GPC6: variants seen among roughly 807,000 people sequenced by gnomAD.
The protein encoded by GPC6 is glypican 6.
In GPC6, 14 loss-of-function variants were observed where a neutral mutation model predicts 55.2. That is an observed-to-expected ratio of 0.25 (90% confidence interval 0.17 to 0.40). GPC6 has a LOEUF of 0.40. Among genes scored for constraint, GPC6 ranks in the 10% least tolerant of loss-of-function variants. GPC6 has a pLI of 1.00. For missense variants in GPC6, 641 were observed against 708.5 expected, an observed-to-expected ratio of 0.90 and a Z score of 1.08; for synonymous variants, 278 against 259.6, an observed-to-expected ratio of 1.07 and a Z score of -0.68.
chr13:93,239,649 A>T (rs1876361376), intron 1 of GPC6, among the ~76,000 whole-genome samples: 1 of 148,544 alleles, frequency 6.7e-6, no homozygotes, highest in Non-Finnish European at 1.5e-5. Flanking sequence ...CTGGTCTGAT[A>T]TTTGTTATTT....
At chr13:94,207,044 G>A (rs1223510013) in intron 4 of GPC6, among the ~76,000 whole-genome samples, 1 of 152,050 alleles carries the variant, frequency 6.6e-6, no homozygotes, top group Non-Finnish European at 1.5e-5. Context: ...AGAACCCACT[G>A]AAGTTACTCA....
At chr13:93,278,474 T>C (rs747414664) in intron 1 of GPC6, among the ~76,000 whole-genome samples, 1 of 152,202 alleles carries the variant, frequency 6.6e-6, no homozygotes, top group Non-Finnish European at 1.5e-5. Flanking sequence ...TCCTTTCTGT[T>C]TCCATAATTT....
chr13:93,372,230 T>G (rs1874689667), intron 1 of GPC6, among the ~76,000 whole-genome samples: 1 of 150,752 alleles, frequency 6.6e-6, no homozygotes, highest in Non-Finnish European at 1.5e-5. Flanking sequence ...AAAAAAGATT[T>G]GTAGTAACAA....
At chr13:94,101,808 T>C (rs983201108) in intron 4 of GPC6, among the ~76,000 whole-genome samples, 8 of 151,950 alleles carry the variant, frequency 5.3e-5, no homozygotes, top group South Asian at 2.1e-4. Context: ...CAAGCAAATA[T>C]TGGTTTTCAT....
chr13:94,121,286 G>C (rs762816692), intron 4 of GPC6, among the ~76,000 whole-genome samples: 3 of 152,072 alleles, frequency 2.0e-5, no homozygotes, highest in Non-Finnish European at 4.4e-5. Flanking sequence ...TAGAAGCACA[G>C]GAATAAAGAC....
rs144118337 is a variant in GPC6, at chr13:93,327,259, A to G, written c.160+99643A>G. On this transcript the variant is annotated intron_variant, in intron 1 of 8. Transcript: ENST00000377047. ...ATTTGTTCTAAGCATTGTTCAAATA[A>G]ATTATTAGGGAATTGGAGCAAATAC... Among the ~76,000 whole-genome samples the G allele has an allele frequency of 2.6e-3, 389 of 152,240 alleles. 4 individuals are homozygous for G. The highest frequency in any genetic ancestry group is 4.5e-3 in the Non-Finnish European group (303 of 68,014).
intron 4 of GPC6, among the ~76,000 whole-genome samples, chr13:94,266,458 G>T (rs566453657): frequency 6.6e-6 from 1 of 152,110 alleles, no homozygotes; most frequent in Non-Finnish European, 1.5e-5. Flanking sequence ...GTGAGCCACC[G>T]CGTCCAGCCA....
At chr13:94,207,491 T>C (rs1019765924) in intron 4 of GPC6, among the ~76,000 whole-genome samples, 7 of 152,190 alleles carry the variant, frequency 4.6e-5, no homozygotes, top group African/African-American at 1.7e-4. Context: ...AACTTATATC[T>C]GTTAAACTCC....
chr13:93,444,643 TGCATGTAAA>T (rs1877935069), intron 1 of GPC6, among the ~76,000 whole-genome samples: 1 of 152,156 alleles, frequency 6.6e-6, no homozygotes, highest in East Asian at 1.9e-4. Context: ...AAACATGCCA[TGCATGTAAA>T]GCAAACAAAG....
intron 2 of GPC6, among the ~76,000 whole-genome samples, chr13:93,683,366 G>A (rs1881928160): frequency 6.6e-6 from 1 of 151,796 alleles, no homozygotes; most frequent in African/African-American, 2.4e-5. Context: ...TCTTTGACAA[G>A]ACTTCAATTT....
chr13:93,896,565 A>G (rs534142143), intron 3 of GPC6, among the ~76,000 whole-genome samples: 30 of 152,218 alleles, frequency 2.0e-4, no homozygotes, highest in African/African-American at 7.2e-4. Context: ...GTAGCAGAAA[A>G]TGTAGTTTAA....
intron 4 of GPC6, among the ~76,000 whole-genome samples, chr13:94,035,976 G>A (rs1156481584): frequency 1.3e-5 from 2 of 151,910 alleles, no homozygotes; most frequent in African/African-American, 4.8e-5. Context: ...TCTTCATCTG[G>A]CTGTCTTTGT....
chr13:93,671,366 A>G (rs1248386753), intron 2 of GPC6, among the ~76,000 whole-genome samples: 1 of 151,628 alleles, frequency 6.6e-6, no homozygotes, highest in East Asian at 1.9e-4. Flanking sequence ...GTGGAATACC[A>G]TTCCTTCAAA....
chr13:94,303,471 C>T (rs567504246), intron 5 of GPC6, among the ~76,000 whole-genome samples: 28 of 152,298 alleles, frequency 1.8e-4, no homozygotes, highest in East Asian at 7.7e-4. Context: ...CTCACTTCCA[C>T]ACTAAAGGGT....
At chr13:93,278,326 A>G (rs1040845931) in intron 1 of GPC6, among the ~76,000 whole-genome samples, 1 of 152,212 alleles carries the variant, frequency 6.6e-6, no homozygotes, top group Admixed American at 6.5e-5. Flanking sequence ...TTTTAAGTGT[A>G]CAGTTCGATA....
rs894420244 is a variant in GPC6 at position 93,612,722 on chromosome 13, A to G, written c.319+67301A>G. On this transcript the variant is annotated intron_variant, in intron 2 of 8. Coordinates refer to ENST00000377047, the MANE Select transcript of GPC6 (RefSeq NM_005708.5). ...TAGGTAATGAAGAAACATGGAAAGA[A>G]AAAATAATTTCAGATGAAAGTCTAT... 2.0e-5 allele frequency among the ~76,000 whole-genome samples: 3 copies of G among 152,362 alleles called. No individual in the cohort carries two copies. The East Asian group carries it at 5.8e-4, about 29-fold the overall frequency.
At chr13:94,049,771 A>G (rs1027844218) in intron 4 of GPC6, among the ~76,000 whole-genome samples, 3 of 152,046 alleles carry the variant, frequency 2.0e-5, no homozygotes, top group African/African-American at 7.2e-5. Context: ...TACTTTACCT[A>G]TCTGTTTGTT....
intron 6 of GPC6, among the ~76,000 whole-genome samples, chr13:94,366,531 A>G (rs1294841081): frequency 6.6e-6 from 1 of 152,244 alleles, no homozygotes; most frequent in Non-Finnish European, 1.5e-5. Context: ...AAATGCTTCA[A>G]GGTGCCTTAT....
In GPC6 at chr13:93,823,102, A is replaced by G. The variant is rs539544190; in HGVS notation, c.320-7052A>G. ...ACGGTCTCGATCTCCTGGCCTCATG[A>G]TCCGCCTGCCATGGCCTTTCAAAGT... On this transcript the variant is annotated intron_variant, in intron 2 of 8. Transcript: ENST00000377047. Among the ~76,000 whole-genome samples, 147 of 152,024 alleles carry G rather than the reference A, an allele frequency of 9.7e-4. 5 individuals carry two copies. The South Asian group carries it at 0.03, about 31-fold the overall frequency.
Sources: allele counts gnomAD v4.1 joint callset (sites outside exome capture counted in the v4.1 genomes callset), GRCh38; gene constraint gnomAD v4.1.1; transcripts MANE v1.5; gene names NCBI Gene and HGNC (gene_info 2026-07-23, HGNC 2026-07-21).